The following ROBO2 variants were observed in gnomAD, a reference collection of about 807,000 sequenced individuals.
ROBO2 encodes roundabout homolog 2.
Under a neutral mutation model 160.8 loss-of-function variants are expected in ROBO2, and 53 were observed. That is an observed-to-expected ratio of 0.33 (90% CI 0.26 to 0.41). The LOEUF (loss-of-function observed/expected upper bound fraction) is 0.41. Ranked by LOEUF, ROBO2 falls within the 10% of genes least tolerant of loss-of-function variation. ROBO2 has a pLI of 1.00. For synonymous variants in ROBO2, 664 were observed against 611.7 expected, an observed-to-expected ratio of 1.09 and a Z score of -1.26; for missense variants, 1,577 against 1,722.4, an observed-to-expected ratio of 0.92 and a Z score of 1.49.
chr3:77,442,617 G>T (rs917472082), intron 2 of ROBO2, among the ~76,000 whole-genome samples: 13 of 152,152 alleles, frequency 8.5e-5, no homozygotes, highest in African/African-American at 2.9e-4. Context: ...GTGCTGTGAC[G>T]TGTTGTATCA....
intron 2 of ROBO2, among the ~76,000 whole-genome samples, chr3:76,107,221 C>T (rs1028689713): frequency 1.3e-5 from 2 of 152,016 alleles, no homozygotes; most frequent in Non-Finnish European, 2.9e-5. Context: ...CAGAGATGAA[C>T]AAGCTAAGGC....
chr3:76,296,876 T>C (rs1576304916), intron 2 of ROBO2, among the ~76,000 whole-genome samples: 1 of 152,014 alleles, frequency 6.6e-6, no homozygotes, highest in Non-Finnish European at 1.5e-5. Flanking sequence ...AAAGAGGAGG[T>C]TCAAAAGGAA....
chr3:76,197,557 G>A (rs1219690435), intron 2 of ROBO2, among the ~76,000 whole-genome samples: 1 of 152,036 alleles, frequency 6.6e-6, no homozygotes, highest in South Asian at 2.1e-4. Context: ...TTTAGATTTG[G>A]ATCTGGGACT....
At chr3:77,587,823 T>A (rs2094091523) in intron 16 of ROBO2, among the ~76,000 whole-genome samples, 1 of 152,142 alleles carries the variant, frequency 6.6e-6, no homozygotes, top group Non-Finnish European at 1.5e-5. Flanking sequence ...AGTCTTTCAT[T>A]AATCACTAAT....
At chr3:77,301,773 C>T (rs527678023) in intron 2 of ROBO2, among the ~76,000 whole-genome samples, 6 of 152,132 alleles carry the variant, frequency 3.9e-5, no homozygotes, top group African/African-American at 1.4e-4. Context: ...ACTAAATTCA[C>T]GGTGTAGTGG....
chr3:76,576,734 C>T (rs1240175134), intron 2 of ROBO2, among the ~76,000 whole-genome samples: 10 of 90,642 alleles, frequency 1.1e-4, no homozygotes, highest in African/African-American at 4.0e-4. Context: ...ACAGAGATTG[C>T]ACCACTGCAA....
chr3:77,109,970 C>T (rs771014045), intron 2 of ROBO2, among the ~76,000 whole-genome samples: 4 of 152,088 alleles, frequency 2.6e-5, no homozygotes, highest in Non-Finnish European at 5.9e-5. Flanking sequence ...AGCATTTTGG[C>T]GCAAACAATT....
chr3:75,937,041 T>C (rs1358708314), intron 1 of ROBO2, among the ~76,000 whole-genome samples: 1 of 152,148 alleles, frequency 6.6e-6, no homozygotes, highest in African/African-American at 2.4e-5. Context: ...CAAAGGTATT[T>C]ATGCTAAACT....
chr3:77,371,099 A>G (rs1454061759), intron 2 of ROBO2, among the ~76,000 whole-genome samples: 2 of 152,222 alleles, frequency 1.3e-5, no homozygotes, highest in Admixed American at 6.5e-5. Context: ...TATATTGACA[A>G]TCTTGAAACT....
At chr3:76,892,748 A>AATG (rs2074446474) in intron 2 of ROBO2, among the ~76,000 whole-genome samples, 1 of 152,206 alleles carries the variant, frequency 6.6e-6, no homozygotes, top group Admixed American at 6.5e-5. Context: ...ATTCATAACC[A>AATG]ATGATCTCCA....
At chr3:77,381,160 A>C (rs535304912) in intron 2 of ROBO2, among the ~76,000 whole-genome samples, 1 of 152,268 alleles carries the variant, frequency 6.6e-6, no homozygotes, top group African/African-American at 2.4e-5. Flanking sequence ...CTAAAAATAC[A>C]AAAAATTAGC....
At chr3:76,185,860 T>A (rs1701736783) in intron 2 of ROBO2, among the ~76,000 whole-genome samples, 1 of 152,006 alleles carries the variant, frequency 6.6e-6, no homozygotes, top group Admixed American at 6.6e-5. Context: ...TGTGTTAGTT[T>A]ATTCAACAAA....
chr3:77,547,855 T>C (rs973622422), intron 7 of ROBO2, among the ~76,000 whole-genome samples: 3 of 152,078 alleles, frequency 2.0e-5, no homozygotes, highest in South Asian at 2.1e-4. Flanking sequence ...TTTCTACACA[T>C]AGAGTTCTTT....
At chr3:76,258,619 T>C (rs1185649922) in intron 2 of ROBO2, among the ~76,000 whole-genome samples, 1 of 152,052 alleles carries the variant, frequency 6.6e-6, no homozygotes. Context: ...TGTTATTGTA[T>C]CTAATTTTAC....
rs969678746 is a variant in ROBO2, at chr3:76,492,160, T to A, written c.109+554558T>A. Among the ~76,000 whole-genome samples, 5 of 152,120 alleles carry A rather than the reference T, an allele frequency of 3.3e-5. No individual in the cohort carries two copies. The South Asian group carries it at 1.0e-3, about 32-fold the overall frequency. On this transcript the variant is annotated intron_variant, in intron 2 of 26. Transcript: ENST00000487694. The stretch of plus-strand genomic sequence containing the variant: ...ACACCCCCAAAACTTAATCTAGTGT[T>A]GTTAGCTATTATTAGCACATTTAAA...
intron 1 of ROBO2, among the ~76,000 whole-genome samples, chr3:77,090,119 A>C (rs1392829147): frequency 6.6e-6 from 1 of 152,116 alleles, no homozygotes; most frequent in East Asian, 1.9e-4. Flanking sequence ...ATAAAACATT[A>C]ATGTCAGAAT....
intron 2 of ROBO2, among the ~76,000 whole-genome samples, chr3:77,256,645 TG>T (rs1480578806): frequency 6.6e-6 from 1 of 152,158 alleles, no homozygotes; most frequent in Middle Eastern, 3.2e-3. Context: ...TATTATACAG[TG>T]CTTTATTTGT....
intron 2 of ROBO2, among the ~76,000 whole-genome samples, chr3:76,932,277 C>T (rs13079572): frequency 0.75 from 114,008 of 152,104 alleles, 43,255 homozygotes; most frequent in African/African-American, 0.86. Flanking sequence ...TATATATGTT[C>T]AATAATGATC....
intron 2 of ROBO2, among the ~76,000 whole-genome samples, chr3:76,107,711 A>G (rs2070009843): frequency 6.6e-6 from 1 of 152,134 alleles, no homozygotes; most frequent in Non-Finnish European, 1.5e-5. Flanking sequence ...AAAATTACAC[A>G]GTTGAAGTGC....
Sources: allele counts gnomAD v4.1 joint callset (sites outside exome capture counted in the v4.1 genomes callset), GRCh38; gene constraint gnomAD v4.1.1; transcripts MANE v1.5; gene names NCBI Gene and HGNC (gene_info 2026-07-23, HGNC 2026-07-21).